Variants in CORO2B observed in about 807,000 individuals in gnomAD.
The protein encoded by CORO2B is coronin-2B.
A neutral mutation model predicts 58.8 loss-of-function variants in CORO2B; 26 were observed. The observed-to-expected ratio is 0.44, with a 90% CI of 0.32 to 0.61. The LOEUF (loss-of-function observed/expected upper bound fraction) is 0.61, where lower values mean the gene tolerates loss of function less well. Among genes scored for constraint, CORO2B ranks in the 20% least tolerant of loss-of-function variants. The probability of loss-of-function intolerance (pLI) is 0.04; values close to 1 mark genes in which losing one functional copy is unlikely to be tolerated. For synonymous variants in CORO2B, 242 were observed against 253.8 expected, an observed-to-expected ratio of 0.95 and a Z score of 0.44; for missense variants, 460 against 645.1, an observed-to-expected ratio of 0.71 and a Z score of 3.11.
intron 1 of CORO2B, among the ~76,000 whole-genome samples, chr15:68,585,738 G>C (rs1056580325): frequency 2.0e-5 from 3 of 152,238 alleles, no homozygotes; most frequent in Admixed American, 1.3e-4. Flanking sequence ...CCTTGAGGGT[G>C]ATGCCCATGG....
At chr15:68,540,473 C>T in the CORO2B span, among the ~76,000 whole-genome samples, 3 of 152,200 alleles carry the variant, frequency 2.0e-5, no homozygotes, top group Non-Finnish European at 2.9e-5. Context: ...GCCAAATACA[C>T]AAGTCTGATT....
At chr15:68,705,082 CT>C (rs1482017913) in intron 3 of CORO2B, among the ~76,000 whole-genome samples, 1 of 152,166 alleles carries the variant, frequency 6.6e-6, no homozygotes, top group Non-Finnish European at 1.5e-5. Flanking sequence ...GTGGTGCCAA[CT>C]GTTTGCTATA....
the CORO2B span, among the ~76,000 whole-genome samples, chr15:68,546,932 G>A: frequency 3.3e-5 from 5 of 152,046 alleles, no homozygotes; most frequent in Admixed American, 6.5e-5. Context: ...CGCATCTTAC[G>A]TACCAATGGA....
chr15:68,593,395 A>G (rs1191513691), intron 1 of CORO2B, among the ~76,000 whole-genome samples: 2 of 152,214 alleles, frequency 1.3e-5, no homozygotes, highest in Non-Finnish European at 2.9e-5. Flanking sequence ...AGAACAATAG[A>G]ATCAGAATCT....
At chr15:68,559,521 G>T in the CORO2B span, 1,855 of 876,750 alleles carry the variant, frequency 2.1e-3, 2 homozygotes, top group Non-Finnish European at 2.3e-3. This position sits in a 1 kb window ranked among gnomAD's most constrained non-coding sequence, Gnocchi z 4.3. Flanking sequence ...TGGTGAGGGG[G>T]TAGCGGGGAG....
At chr15:68,671,169 C>A (rs959441617) in intron 2 of CORO2B, among the ~76,000 whole-genome samples, 1 of 152,330 alleles carries the variant, frequency 6.6e-6, no homozygotes, top group African/African-American at 2.4e-5. Flanking sequence ...GAACCACAAC[C>A]ACTCTCTCCA....
the CORO2B span, among the ~76,000 whole-genome samples, chr15:68,567,371 G>T: frequency 6.6e-6 from 1 of 152,242 alleles, no homozygotes; most frequent in African/African-American, 2.4e-5. Context: ...GAGAAGAAGT[G>T]ACAGGACAAA....
At chr15:68,587,650 G>T (rs1281346404) in intron 1 of CORO2B, among the ~76,000 whole-genome samples, 1 of 151,474 alleles carries the variant, frequency 6.6e-6, no homozygotes, top group African/African-American at 2.4e-5. Flanking sequence ...AATAGAAGCG[G>T]CTAACCCTTC....
At chr15:68,701,494 T>G (rs1892647605) in intron 3 of CORO2B, among the ~76,000 whole-genome samples, 1 of 123,450 alleles carries the variant, frequency 8.1e-6, no homozygotes. Context: ...TTTTTTTTTT[T>G]TTTTTTTTTG....
chr15:68,707,750 A>G (rs920003761), intron 3 of CORO2B, among the ~76,000 whole-genome samples: 1 of 152,194 alleles, frequency 6.6e-6, no homozygotes, highest in Admixed American at 6.5e-5. Flanking sequence ...CTTCAGGGTC[A>G]CCTTTCTACA....
chr15:68,701,375 G>A (rs1027882275), intron 3 of CORO2B, among the ~76,000 whole-genome samples: 3 of 151,218 alleles, frequency 2.0e-5, no homozygotes, highest in African/African-American at 4.9e-5. Context: ...GCAGTGGCGC[G>A]ATCTCCGCTC....
the CORO2B span, among the ~76,000 whole-genome samples, chr15:68,562,589 C>CA: frequency 6.6e-6 from 1 of 152,030 alleles, no homozygotes; most frequent in African/African-American, 2.4e-5. Context: ...AATACATATA[C>CA]AAAAAAATTA....
intron 1 of CORO2B, among the ~76,000 whole-genome samples, chr15:68,580,926 G>T (rs1899411848): frequency 6.6e-6 from 1 of 152,198 alleles, no homozygotes; most frequent in Non-Finnish European, 1.5e-5. Context: ...AGGAACTGAG[G>T]CTCAGAGAGG....
intron 1 of CORO2B, among the ~76,000 whole-genome samples, chr15:68,604,475 A>G (rs950345435): frequency 6.6e-6 from 1 of 152,084 alleles, no homozygotes; most frequent in African/African-American, 2.4e-5. Flanking sequence ...TCCTAAGCAG[A>G]ATTTCATACC....
intron 1 of CORO2B, among the ~76,000 whole-genome samples, chr15:68,580,008 G>C (rs1489294784): frequency 1.3e-5 from 2 of 152,226 alleles, no homozygotes; most frequent in Non-Finnish European, 2.9e-5. Flanking sequence ...AAGATGATGG[G>C]GCAGTGGAAA....
In CORO2B at chr15:68,673,160, A is replaced by T. The variant is rs184492127; in HGVS notation, c.217-21980A>T. Among the ~76,000 whole-genome samples the T allele has an allele frequency of 8.3e-4, 127 of 152,202 alleles. 2 individuals carry two copies. In the East Asian group the frequency reaches 0.021, roughly 25 times the overall value. The stretch of plus-strand genomic sequence containing the variant: ...TGCCCTCTTCTGCCCTTCAGCAGTA[A>T]CTGAAAGGGGTGTCATTTGGAATGT... On this transcript the variant is annotated intron_variant, in intron 2 of 11. Transcript: ENST00000261861.
At chr15:68,701,745 A>C (rs887135493) in intron 3 of CORO2B, among the ~76,000 whole-genome samples, 4 of 151,838 alleles carry the variant, frequency 2.6e-5, no homozygotes, top group Non-Finnish European at 5.9e-5. Flanking sequence ...CGGCCTCCCG[A>C]AGTGCTGGGA....
At chr15:68,675,424 G>A (rs567236198) in intron 2 of CORO2B, among the ~76,000 whole-genome samples, 79 of 152,254 alleles carry the variant, frequency 5.2e-4, no homozygotes, top group African/African-American at 1.8e-3. Flanking sequence ...CTGAGGGCAG[G>A]AATAGCATCT....
chr15:68,598,278 C>T (rs771872216), intron 1 of CORO2B, among the ~76,000 whole-genome samples: 24 of 152,200 alleles, frequency 1.6e-4, no homozygotes, highest in Non-Finnish European at 3.1e-4. Flanking sequence ...CTGGCCCAGG[C>T]CATGTGGGTT....
Sources: allele counts gnomAD v4.1 joint callset (sites outside exome capture counted in the v4.1 genomes callset), GRCh38; gene constraint gnomAD v4.1.1; non-coding constraint Gnocchi (gnomAD v3.1); transcripts MANE v1.5; gene names NCBI Gene and HGNC (gene_info 2026-07-23, HGNC 2026-07-21).